Variants in PCDHGA10 observed in about 807,000 individuals in gnomAD.
PCDHGA10 encodes the protein protocadherin gamma subfamily A, 10.
PCDHGA10 carries 42 observed loss-of-function variants against 59.5 expected under a neutral mutation model. That is an observed-to-expected ratio of 0.71 (90% confidence interval 0.55 to 0.91). The LOEUF (loss-of-function observed/expected upper bound fraction) is 0.91, where lower values mean the gene tolerates loss of function less well. PCDHGA10 is among the 40% of genes least tolerant of loss of function. The probability of loss-of-function intolerance (pLI) is 0.00; values close to 1 mark genes in which losing one functional copy is unlikely to be tolerated. For synonymous variants in PCDHGA10, 511 were observed against 517.2 expected (o/e 0.99, Z 0.16); for missense variants, 1,111 against 1,198.2 (o/e 0.93, Z 1.07).
chr5:141,421,055 C>A, intron 1 of PCDHGA10: 2 of 577,118 alleles, frequency 3.5e-6, no homozygotes, highest in South Asian at 2.4e-5. Flanking sequence ...GCCTCTACCA[C>A]ACAAAGCGGA....
chr5:141,491,496 C>T lies in PCDHGA10; in HGVS notation c.2437-3311C>T, dbSNP rs372523924. ...AGTCCAGCCCCAACCTGCAGGTGAG[C>T]TCGGACGGCACGCTCAAGTACATGG... On this transcript the variant is annotated intron_variant, in intron 1 of 3. Transcript: ENST00000398610. This position sits in a 1 kb window ranked among gnomAD's most constrained non-coding sequence, Gnocchi z 6.9. 2.9e-5 allele frequency: 47 copies of T among 1,614,004 alleles called. No individual in the cohort carries two copies. Among genetic ancestry groups the T allele is most frequent in the Non-Finnish European group, 3.7e-5 (44 of 1,180,026 alleles).
At position 141,486,209 on chromosome 5, in the gene PCDHGA10, A is replaced by G. The variant is rs749965379; in HGVS notation, c.2437-8598A>G. 1.2e-6 allele frequency: 2 copies of G among 1,614,080 alleles called. No homozygotes were observed. The highest frequency in any genetic ancestry group is 1.7e-6 in the Non-Finnish European group (2 of 1,179,988). ...AGTGGATCTGCTGGACGTAAATGAC[A>G]ATGCCCCTTACATCACAGTGACCTC... On this transcript the variant is annotated intron_variant, in intron 1 of 3. Transcript: ENST00000398610. The surrounding 1 kb of genome is among the most constrained non-coding windows in gnomAD (Gnocchi z 5.0).
Position 141,511,565 on chromosome 5 carries a change from AG to A in PCDHGA10, c.*393del, listed in dbSNP as rs2099883852. 6.8e-6 allele frequency: 2 copies of A among 296,092 alleles called. No homozygotes were observed. Among genetic ancestry groups the A allele is most frequent in the South Asian group, 7.4e-5 (2 of 26,988 alleles). The allele number at this position is 296,092 out of a possible 1,614,324, so 18.3% of individuals were successfully genotyped here. On this transcript the variant is annotated 3_prime_UTR_variant, in exon 4 of 4. Transcript: ENST00000398610. ...CCACTCCAACAGTTCCTCTTTCCCG[AG>A]TAAGGTGGTTGGGGTGTTGAAGTAC...
At chr5:141,458,870 C>G (rs540373442) in intron 1 of PCDHGA10, among the ~76,000 whole-genome samples, 1 of 152,264 alleles carries the variant, frequency 6.6e-6, no homozygotes, top group South Asian at 2.1e-4. Flanking sequence ...GTAGCTGGGA[C>G]TACAGGCATG....
chr5:141,434,894 C>T (rs1316284716), intron 1 of PCDHGA10, among the ~76,000 whole-genome samples: 1 of 143,118 alleles, frequency 7.0e-6, no homozygotes, highest in East Asian at 2.1e-4. Flanking sequence ...AATCCAGTCC[C>T]CTTCCCTCAT....
chr5:141,498,045 A>G (rs1368474174), intron 2 of PCDHGA10, among the ~76,000 whole-genome samples: 4 of 152,256 alleles, frequency 2.6e-5, no homozygotes, highest in Non-Finnish European at 4.4e-5. Flanking sequence ...AATTACAAAA[A>G]TAAATGTGAG....
intron 1 of PCDHGA10, among the ~76,000 whole-genome samples, chr5:141,445,923 T>C (rs1169404585): frequency 6.6e-6 from 1 of 152,200 alleles, no homozygotes; most frequent in Non-Finnish European, 1.5e-5. Context: ...AGTGACAAGA[T>C]ATTTGAATTA....
intron 1 of PCDHGA10, chr5:141,430,951 C>T (rs200771871): frequency 3.2e-5 from 51 of 1,610,496 alleles, no homozygotes; most frequent in African/African-American, 1.5e-4. Context: ...AGCGCGGAGT[C>T]CGCATCATCC....
intron 1 of PCDHGA10, chr5:141,478,511 C>CA: frequency 3.1e-6 from 5 of 1,611,778 alleles, no homozygotes; most frequent in Non-Finnish European, 4.2e-6. Context: ...GTTCTATAGG[C>CA]AGGTGTTGGG....
At position 141,431,645 on chromosome 5, in the gene PCDHGA10, T is replaced by G. The variant is rs2097404203; in HGVS notation, c.2436+16034T>G. ...GGCGGCCCAAGTTTTCAAACTAGAT[T>G]GTAATTCAGGGACAATATCAACAAT... On this transcript the variant is annotated intron_variant, in intron 1 of 3. Coordinates refer to ENST00000398610, the MANE Select transcript of PCDHGA10 (RefSeq NM_018913.3). This position sits in a 1 kb window ranked among gnomAD's most constrained non-coding sequence, Gnocchi z 4.8. The G allele has an allele frequency of 2.5e-6, 4 of 1,614,236 alleles. No homozygotes were observed. Among genetic ancestry groups the G allele is most frequent in the Non-Finnish European group, 3.4e-6 (4 of 1,180,044 alleles).
chr5:141,477,158 A>G lies in PCDHGA10; in HGVS notation c.2437-17649A>G, dbSNP rs1476516538. 1.2e-6 allele frequency: 2 copies of G among 1,614,154 alleles called. No individual in the cohort carries two copies. Among genetic ancestry groups the G allele is most frequent in the Non-Finnish European group, 1.7e-6 (2 of 1,180,018 alleles). ...GGTGGAGGTTGTGGATGTGAATGACAACGCCCCGGAGATCACAGTCACCTC... is the reference window on the plus strand; with the variant it reads ...GGTGGAGGTTGTGGATGTGAATGACGACGCCCCGGAGATCACAGTCACCTC... On this transcript the variant is annotated intron_variant, in intron 1 of 3. Coordinates refer to ENST00000398610, the MANE Select transcript of PCDHGA10 (RefSeq NM_018913.3). This position sits in a 1 kb window ranked among gnomAD's most constrained non-coding sequence, Gnocchi z 4.9.
chr5:141,420,255 A>G lies in PCDHGA10; in HGVS notation c.2436+4644A>G, dbSNP rs917458059. The G allele has an allele frequency of 7.6e-6, 12 of 1,569,630 alleles. No homozygotes were observed. Among genetic ancestry groups the G allele is most frequent in the African/African-American group, 1.4e-5 (1 of 73,152 alleles). ...ATTTTAACTCCCAGCGTTGAAGCAG[A>G]TAAGAAGATTCTTAAACAGGTAAGT... is the stretch of plus-strand genomic sequence containing the variant. On this transcript the variant is annotated intron_variant, in intron 1 of 3. Coordinates refer to ENST00000398610, the MANE Select transcript of PCDHGA10 (RefSeq NM_018913.3).
Position 141,486,902 on chromosome 5 carries a change from C to T in PCDHGA10, c.2437-7905C>T, listed in dbSNP as rs2099636761. On this transcript the variant is annotated intron_variant, in intron 1 of 3. Transcript: ENST00000398610. This position sits in a 1 kb window ranked among gnomAD's most constrained non-coding sequence, Gnocchi z 5.0. ...TCGGGCCCGGCCTGGTTCCTTATGT[C>T]CCCAAGCACTGCCTCCATCAGTTGG... 1 of 1,614,226 alleles carries T rather than the reference C, an allele frequency of 6.2e-7. No individual in the cohort carries two copies. The highest frequency in any genetic ancestry group is 8.5e-7 in the Non-Finnish European group (1 of 1,180,044).
At chr5:141,506,053 T>C (rs1486313858) in intron 3 of PCDHGA10, among the ~76,000 whole-genome samples, 1 of 152,126 alleles carries the variant, frequency 6.6e-6, no homozygotes, top group Non-Finnish European at 1.5e-5. Context: ...TCCCATAAGG[T>C]TGACTAAGGG....
chr5:141,426,704 A>C, intron 1 of PCDHGA10: 1 of 440,322 alleles, frequency 2.3e-6, no homozygotes, highest in South Asian at 1.6e-5. Context: ...TTGTTTTACA[A>C]ATCAATGAAC....
chr5:141,422,136 AGTACGGGG>A (rs772818860), intron 1 of PCDHGA10: 9 of 1,588,992 alleles, frequency 5.7e-6, no homozygotes, highest in Non-Finnish European at 7.7e-6. Flanking sequence ...GAGAAGTTCA[AGTACGGGG>A]GTCTCTGGAT....
intron 3 of PCDHGA10, 99 bp from the exon 4 acceptor site, chr5:141,510,848 G>A: frequency 6.3e-7 from 1 of 1,596,080 alleles, no homozygotes. Flanking sequence ...TCAAGGCCCA[G>A]GGTGCTGTAT....
intron 1 of PCDHGA10, among the ~76,000 whole-genome samples, chr5:141,461,838 T>G (rs1592748714): frequency 6.6e-6 from 1 of 151,980 alleles, no homozygotes; most frequent in African/African-American, 2.4e-5. Context: ...TTCTTTTTTT[T>G]TTGAGACAGA....
intron 1 of PCDHGA10, chr5:141,428,734 A>G (rs922346225): frequency 1.9e-5 from 3 of 158,252 alleles, no homozygotes; most frequent in Non-Finnish European, 2.8e-5. Context: ...TAAACATATT[A>G]TATCTACTAT....
Sources: gnomAD v4.1 joint callset for allele counts (sites outside exome capture counted in the v4.1 genomes callset) on GRCh38, gnomAD v4.1.1 for gene constraint, Gnocchi (gnomAD v3.1) non-coding constraint, MANE v1.5 for transcripts, NCBI Gene and HGNC (gene_info 2026-07-23, HGNC 2026-07-21) for gene names.